ADCY2: variants seen among roughly 807,000 people sequenced by gnomAD.
ADCY2 encodes adenylate cyclase type 2.
ADCY2 carries 31 observed loss-of-function variants against 125.2 expected under a neutral mutation model. That is an observed-to-expected ratio of 0.25 (90% CI 0.19 to 0.33). The LOEUF is 0.33. Among genes scored for constraint, ADCY2 ranks in the 10% least tolerant of loss-of-function variants. The pLI is 1.00. For synonymous variants in ADCY2, 512 were observed against 548.4 expected, an observed-to-expected ratio of 0.93 and a Z score of 0.93; for missense variants, 904 against 1,418.2, an observed-to-expected ratio of 0.64 and a Z score of 5.82.
intron 7 of ADCY2, among the ~76,000 whole-genome samples, chr5:7,704,014 G>A (rs947309095): frequency 1.1e-4 from 14 of 132,920 alleles, no homozygotes. Context: ...AAAAAAAAAA[G>A]TTTATTTTGT....
At chr5:7,817,585 C>T (rs1367002982) in intron 23 of ADCY2, among the ~76,000 whole-genome samples, 4 of 151,990 alleles carry the variant, frequency 2.6e-5, no homozygotes, top group African/African-American at 4.8e-5. Context: ...CCAGCACTTT[C>T]GGAGGCTGAG....
At chr5:7,637,452 GAGAAGA>G (rs1234407486) in intron 4 of ADCY2, among the ~76,000 whole-genome samples, 4 of 132,218 alleles carry the variant, frequency 3.0e-5, no homozygotes, top group Non-Finnish European at 4.9e-5. Flanking sequence ...AAAAAAAAAA[GAGAAGA>G]AGAAGAAGAA....
At chr5:7,452,572 A>C (rs544013916) in intron 2 of ADCY2, among the ~76,000 whole-genome samples, 16 of 152,314 alleles carry the variant, frequency 1.1e-4, no homozygotes, top group African/African-American at 3.8e-4. Flanking sequence ...ATATGCATGC[A>C]GGTGTCTTTT....
At chr5:7,402,661 A>G (rs1347196670) in intron 1 of ADCY2, among the ~76,000 whole-genome samples, 2 of 152,192 alleles carry the variant, frequency 1.3e-5, no homozygotes, top group South Asian at 2.1e-4. Context: ...TGTAAGGCAG[A>G]TTGTATCTCA....
intron 2 of ADCY2, among the ~76,000 whole-genome samples, chr5:7,484,185 C>T (rs181368387): frequency 1.1e-4 from 17 of 152,178 alleles, no homozygotes; most frequent in Admixed American, 2.0e-4. Context: ...TTATATACTA[C>T]GGAGTTGAAA....
Position 7,761,148 on chromosome 5 carries a change from C to CT in ADCY2, c.2094+3581dup, listed in dbSNP as rs367998018. Among the ~76,000 whole-genome samples the CT allele has an allele frequency of 1.5e-3, 130 of 88,154 alleles. 14 individuals carry two copies. The highest frequency in any genetic ancestry group is 5.9e-3 in the African/African-American group (128 of 21,596). 57.8% of individuals were successfully genotyped at this position (88,154 alleles called of 152,430 possible). A position where few individuals can be genotyped will look rare whatever the true frequency, so the allele number is the denominator to read the frequency against. Reference sequence around the variant, plus strand: ...ATCAAAATTTCTTTTCTTTTCTTTTCTTTTTTTTTTTTTTTTTTTGAGATG... The same window carrying CT: ...ATCAAAATTTCTTTTCTTTTCTTTTCTTTTTTTTTTTTTTTTTTTTGAGATG... On this transcript the variant is annotated intron_variant, in intron 16 of 24. Coordinates refer to ENST00000338316, the MANE Select transcript of ADCY2 (RefSeq NM_020546.3).
At chr5:7,753,420 C>G (rs187238748) in intron 15 of ADCY2, among the ~76,000 whole-genome samples, 5 of 152,256 alleles carry the variant, frequency 3.3e-5, no homozygotes, top group East Asian at 1.9e-4. Context: ...AACCAAAGAT[C>G]AAAGAAAATG....
At chr5:7,608,906 T>C (rs943603727) in intron 3 of ADCY2, among the ~76,000 whole-genome samples, 2 of 152,192 alleles carry the variant, frequency 1.3e-5, no homozygotes, top group African/African-American at 4.8e-5. Context: ...CAGGATACCT[T>C]CTCCTCTAGA....
intron 2 of ADCY2, among the ~76,000 whole-genome samples, chr5:7,459,062 T>C (rs1741814626): frequency 6.6e-6 from 1 of 152,196 alleles, no homozygotes; most frequent in Non-Finnish European, 1.5e-5. Context: ...GATTTGGTGA[T>C]TGTCAGCTGC....
chr5:7,495,444 C>T (rs578022943), intron 2 of ADCY2, among the ~76,000 whole-genome samples: 16 of 152,262 alleles, frequency 1.1e-4, no homozygotes, highest in South Asian at 2.1e-4. Flanking sequence ...AAGCATAAAA[C>T]GGGATATTAT....
At chr5:7,663,959 T>G (rs1295868900) in intron 4 of ADCY2, among the ~76,000 whole-genome samples, 1 of 152,174 alleles carries the variant, frequency 6.6e-6, no homozygotes, top group Non-Finnish European at 1.5e-5. Context: ...GGAAGAGGAT[T>G]TCCGAAGTGT....
intron 2 of ADCY2, among the ~76,000 whole-genome samples, chr5:7,468,552 C>T (rs925884799): frequency 5.9e-5 from 9 of 151,774 alleles, no homozygotes; most frequent in African/African-American, 1.7e-4. Context: ...AATTTTTTTG[C>T]GATTATAAAA....
intron 2 of ADCY2, among the ~76,000 whole-genome samples, chr5:7,422,624 A>C (rs1433716652): frequency 6.6e-6 from 1 of 152,226 alleles, no homozygotes; most frequent in Non-Finnish European, 1.5e-5. Context: ...CAGCCTTGGC[A>C]GGGAGACCAT....
At position 7,539,209 on chromosome 5, in the gene ADCY2, A is replaced by G. The variant is rs538908045; in HGVS notation, c.570+18310A>G. Among the ~76,000 whole-genome samples, 10 of 152,308 alleles carry G rather than the reference A, an allele frequency of 6.6e-5. No individual in the cohort carries two copies. The South Asian group carries it at 1.9e-3, about 28-fold the overall frequency. On this transcript the variant is annotated intron_variant, in intron 3 of 24. Transcript: ENST00000338316. ...ACATTGTATTTTTACAAATCAGAGT[A>G]CAGTTTTGATAAATCTGTCTCTTGT...
intron 16 of ADCY2, among the ~76,000 whole-genome samples, chr5:7,765,866 C>T (rs1051967531): frequency 1.3e-5 from 2 of 152,120 alleles, no homozygotes; most frequent in Admixed American, 6.5e-5. Flanking sequence ...CCCTTAGCCA[C>T]ATGACAGAAA....
chr5:7,402,357 A>G (rs112247679), intron 1 of ADCY2, among the ~76,000 whole-genome samples: 1,836 of 152,328 alleles, frequency 0.012, 47 homozygotes, highest in African/African-American at 0.043. Context: ...GCAATAAAAA[A>G]TCACAAGGGA....
At chr5:7,571,581 G>T (rs73048136) in intron 3 of ADCY2, among the ~76,000 whole-genome samples, 1 of 152,088 alleles carries the variant, frequency 6.6e-6, no homozygotes, top group Non-Finnish European at 1.5e-5. Flanking sequence ...TTGTTCTTCT[G>T]TATTAAGGAT....
chr5:7,734,813 G>A (rs986184184), intron 14 of ADCY2, among the ~76,000 whole-genome samples: 1 of 152,208 alleles, frequency 6.6e-6, no homozygotes, highest in African/African-American at 2.4e-5. Context: ...AGGAGCAATA[G>A]AAATTTAGAA....
intron 3 of ADCY2, among the ~76,000 whole-genome samples, chr5:7,525,377 CTG>C (rs1177139870): frequency 6.6e-6 from 1 of 152,176 alleles, no homozygotes; most frequent in Non-Finnish European, 1.5e-5. Context: ...AAGCTGGCCT[CTG>C]TGTCCTCTTG....
Sources: allele counts gnomAD v4.1 joint callset (sites outside exome capture counted in the v4.1 genomes callset), GRCh38; gene constraint gnomAD v4.1.1; transcripts MANE v1.5; gene names NCBI Gene and HGNC (gene_info 2026-07-23, HGNC 2026-07-21).